Variants in GALNT13 observed in about 807,000 individuals in gnomAD.
The protein encoded by GALNT13 is UDP-GalNAc:polypeptide N-acetylgalactosaminyltransferase 13.
In GALNT13, 28 loss-of-function variants were observed where a neutral mutation model predicts 64.2. The ratio of observed to expected loss-of-function variants is 0.44; its 90% CI spans 0.32 to 0.60. The LOEUF (loss-of-function observed/expected upper bound fraction) is 0.60. Among genes scored for constraint, GALNT13 ranks in the 20% least tolerant of loss-of-function variants. The pLI is 0.05. For synonymous variants in GALNT13, 214 were observed against 224.6 expected, an observed-to-expected ratio of 0.95 and a Z score of 0.42; for missense variants, 577 against 669.8, an observed-to-expected ratio of 0.86 and a Z score of 1.53.
intron 12 of GALNT13, 63 bp downstream of exon 12, chr2:154,438,789 T>C: frequency 1.5e-6 from 2 of 1,317,202 alleles, no homozygotes; most frequent in Middle Eastern, 1.9e-4. Context: ...ATTTCAACAT[T>C]CAACATTTAA....
the GALNT13 span, among the ~76,000 whole-genome samples, chr2:153,712,119 G>T: frequency 6.6e-6 from 1 of 151,942 alleles, no homozygotes; most frequent in Non-Finnish European, 1.5e-5. Context: ...AAACTTCAAG[G>T]GTAACTAGTC....
intron 9 of GALNT13, among the ~76,000 whole-genome samples, chr2:154,308,169 TA>T (rs1234338112): frequency 6.6e-6 from 1 of 151,956 alleles, no homozygotes; most frequent in Non-Finnish European, 1.5e-5. Context: ...AAAAATACAT[TA>T]TTTTTTCTTT....
chr2:153,249,648 A>G, the GALNT13 span, among the ~76,000 whole-genome samples: 1 of 152,218 alleles, frequency 6.6e-6, no homozygotes, highest in Non-Finnish European at 1.5e-5. Context: ...TACAGTAACC[A>G]AAACAGCAGG....
chr2:153,403,648 C>A, the GALNT13 span, among the ~76,000 whole-genome samples: 2 of 152,190 alleles, frequency 1.3e-5, no homozygotes, highest in African/African-American at 4.8e-5. Flanking sequence ...TTTTTCAAGC[C>A]GGTCGGAAAA....
At chr2:153,805,655 T>G in the GALNT13 span, among the ~76,000 whole-genome samples, 4 of 151,930 alleles carry the variant, frequency 2.6e-5, no homozygotes, top group Non-Finnish European at 4.4e-5. Context: ...AAAAGCGAGG[T>G]GGGGATTATA....
rs115915880 is a variant in GALNT13, at chr2:153,955,781, C to T, written c.142+11142C>T. On this transcript the variant is annotated intron_variant, in intron 3 of 12. Transcript: ENST00000392825. ...TGTTACAGCTCTGGTGGGGTTACAGCTCTGTGACTGGCAAGGAGTGCTTGC... is the reference window on the plus strand; with the variant it reads ...TGTTACAGCTCTGGTGGGGTTACAGTTCTGTGACTGGCAAGGAGTGCTTGC... Among the ~76,000 whole-genome samples the T allele has an allele frequency of 8.7e-3, 1,331 of 152,218 alleles. 22 individuals carry two copies. The highest frequency in any genetic ancestry group is 0.031 in the African/African-American group (1,271 of 41,530).
the GALNT13 span, among the ~76,000 whole-genome samples, chr2:153,266,601 G>T: frequency 6.6e-6 from 1 of 152,060 alleles, no homozygotes; most frequent in Non-Finnish European, 1.5e-5. Context: ...AGTGCAGGGG[G>T]AAAAGTGCCA....
At chr2:153,511,335 T>C in the GALNT13 span, among the ~76,000 whole-genome samples, 1 of 151,470 alleles carries the variant, frequency 6.6e-6, no homozygotes, top group Non-Finnish European at 1.5e-5. Context: ...CCAAGCAGGT[T>C]CCTATAGATT....
chr2:153,543,391 A>G, the GALNT13 span, among the ~76,000 whole-genome samples: 1 of 152,354 alleles, frequency 6.6e-6, no homozygotes, highest in Non-Finnish European at 1.5e-5. Context: ...GAAAAATAAG[A>G]TGCTATCTTT....
intron 1 of GALNT13, among the ~76,000 whole-genome samples, chr2:153,872,635 A>G (rs13027559): frequency 0.65 from 25,620 of 39,400 alleles, 6,534 homozygotes; most frequent in South Asian, 0.72. Context: ...GGGGGGGGGG[A>G]GCGGCTCTGG....
chr2:153,207,717 C>G, the GALNT13 span, among the ~76,000 whole-genome samples: 39 of 152,244 alleles, frequency 2.6e-4, no homozygotes, highest in Non-Finnish European at 4.9e-4. Flanking sequence ...AGCTTAAACT[C>G]TTGAGTTTAA....
chr2:154,281,952 A>C (rs1691984666), intron 8 of GALNT13, among the ~76,000 whole-genome samples: 1 of 152,152 alleles, frequency 6.6e-6, no homozygotes, highest in South Asian at 2.1e-4. Context: ...CCTTTAGAAA[A>C]TGAGTAAGTA....
intron 9 of GALNT13, among the ~76,000 whole-genome samples, chr2:154,360,348 A>T (rs1356082193): frequency 6.6e-6 from 1 of 152,142 alleles, no homozygotes; most frequent in Non-Finnish European, 1.5e-5. Context: ...GGCTTTGTTC[A>T]TTCCTTTAAA....
the GALNT13 span, among the ~76,000 whole-genome samples, chr2:153,730,026 A>G: frequency 6.6e-6 from 1 of 151,992 alleles, no homozygotes; most frequent in Admixed American, 6.6e-5. Flanking sequence ...AAAGCAATCT[A>G]CAGATTCAGT....
chr2:154,138,138 T>A lies in GALNT13; in HGVS notation c.143-2199T>A, dbSNP rs904595388. On this transcript the variant is annotated intron_variant, in intron 3 of 12. Coordinates refer to ENST00000392825, the MANE Select transcript of GALNT13 (RefSeq NM_052917.4). ...TTACAAACCCACAATTTACTGCCCCTAGCTCCCTACCTAAATCTCCTTTGT... is the reference window on the plus strand; with the variant it reads ...TTACAAACCCACAATTTACTGCCCCAAGCTCCCTACCTAAATCTCCTTTGT... 2.6e-5 allele frequency among the ~76,000 whole-genome samples: 4 copies of A among 152,084 alleles called. No homozygotes were observed. The East Asian group carries it at 7.7e-4, about 29-fold the overall frequency.
the GALNT13 span, among the ~76,000 whole-genome samples, chr2:153,639,855 G>C: frequency 1.3e-5 from 2 of 152,128 alleles, no homozygotes; most frequent in Non-Finnish European, 1.5e-5. Flanking sequence ...TTTGGAAATG[G>C]AGTCAGAAAA....
chr2:154,354,153 A>T (rs537971823), intron 9 of GALNT13, among the ~76,000 whole-genome samples: 1 of 152,142 alleles, frequency 6.6e-6, no homozygotes, highest in African/African-American at 2.4e-5. Context: ...CATATCCCTG[A>T]TGATTAAACA....
At chr2:153,596,752 G>A in the GALNT13 span, among the ~76,000 whole-genome samples, 2 of 151,882 alleles carry the variant, frequency 1.3e-5, no homozygotes, top group Non-Finnish European at 2.9e-5. Context: ...TAATTAAAAT[G>A]ATTAACATAT....
chr2:153,153,811 A>G, the GALNT13 span, among the ~76,000 whole-genome samples: 1 of 151,852 alleles, frequency 6.6e-6, no homozygotes, highest in African/African-American at 2.4e-5. Context: ...GCCCTGTAGT[A>G]TAATTTGAAA....
Sources: gnomAD v4.1 joint callset for allele counts (sites outside exome capture counted in the v4.1 genomes callset) on GRCh38, gnomAD v4.1.1 for gene constraint, MANE v1.5 for transcripts, NCBI Gene and HGNC (gene_info 2026-07-23, HGNC 2026-07-21) for gene names.